GRID1: variants seen among roughly 807,000 people sequenced by gnomAD.
GRID1 encodes glutamate ionotropic receptor delta type subunit 1.
GRID1 carries 28 observed loss-of-function variants against 98.0 expected under a neutral mutation model. The ratio of observed to expected loss-of-function variants is 0.29; its 90% CI spans 0.21 to 0.39. The LOEUF is 0.39. Ranked by LOEUF, GRID1 falls within the 10% of genes least tolerant of loss-of-function variation. GRID1 has a pLI of 1.00. For synonymous variants in GRID1, 553 were observed against 538.5 expected, an observed-to-expected ratio of 1.03 and a Z score of -0.37; for missense variants, 1,111 against 1,340.5, an observed-to-expected ratio of 0.83 and a Z score of 2.67.
intron 8 of GRID1, among the ~76,000 whole-genome samples, chr10:85,795,269 T>C (rs1388677353): frequency 6.6e-6 from 1 of 152,172 alleles, no homozygotes. Flanking sequence ...GAATAGTACA[T>C]AGCAATTCCT....
intron 2 of GRID1, among the ~76,000 whole-genome samples, chr10:86,275,431 A>C (rs1023235654): frequency 6.6e-6 from 1 of 152,104 alleles, no homozygotes; most frequent in Non-Finnish European, 1.5e-5. Context: ...ATGCCTAAGG[A>C]AGCCCAGGCA....
intron 2 of GRID1, among the ~76,000 whole-genome samples, chr10:86,336,023 G>A (rs1373866715): frequency 1.3e-5 from 2 of 152,296 alleles, no homozygotes; most frequent in South Asian, 2.1e-4. Context: ...GAAGGGGCAG[G>A]AATCCAGGAG....
chr10:86,043,147 G>A (rs1029610550), intron 4 of GRID1, among the ~76,000 whole-genome samples: 3 of 152,010 alleles, frequency 2.0e-5, no homozygotes, highest in African/African-American at 4.8e-5. Flanking sequence ...ACATACCTTC[G>A]TACACACAAA....
At chr10:86,097,547 CATCT>C (rs1036759647) in intron 4 of GRID1, among the ~76,000 whole-genome samples, 2 of 152,068 alleles carry the variant, frequency 1.3e-5, no homozygotes, top group South Asian at 2.1e-4. Flanking sequence ...GTCTATCTAT[CATCT>C]ATCTATCTAT....
intron 5 of GRID1, among the ~76,000 whole-genome samples, chr10:85,910,724 C>T (rs1355547012): frequency 6.6e-6 from 1 of 152,110 alleles, no homozygotes; most frequent in Non-Finnish European, 1.5e-5. Context: ...TGTGTCAGAC[C>T]CTCATGCTAG....
intron 2 of GRID1, among the ~76,000 whole-genome samples, chr10:86,258,144 T>C (rs1846954863): frequency 6.6e-6 from 1 of 152,162 alleles, no homozygotes; most frequent in Admixed American, 6.5e-5. Flanking sequence ...TAAAAATCCC[T>C]ACAGTCCAGT....
chr10:85,852,916 AACAAAC>A (rs1250244419), intron 8 of GRID1, among the ~76,000 whole-genome samples: 1 of 152,180 alleles, frequency 6.6e-6, no homozygotes, highest in Admixed American at 6.5e-5. Context: ...GGATGCCACC[AACAAAC>A]CTCTGAGCTC....
intron 4 of GRID1, among the ~76,000 whole-genome samples, chr10:86,108,836 T>A (rs1298772336): frequency 1.3e-5 from 2 of 152,214 alleles, no homozygotes; most frequent in African/African-American, 2.4e-5. Flanking sequence ...CCTGTGAGTC[T>A]GGCAGTTGTG....
intron 4 of GRID1, among the ~76,000 whole-genome samples, chr10:86,131,995 T>C (rs1363158320): frequency 1.3e-5 from 2 of 151,938 alleles, no homozygotes; most frequent in Non-Finnish European, 1.5e-5. Context: ...GGAGATGCAA[T>C]AGAGGGTCAC....
chr10:85,670,930 G>A (rs1294013989), intron 12 of GRID1, among the ~76,000 whole-genome samples: 2 of 152,040 alleles, frequency 1.3e-5, no homozygotes, highest in Non-Finnish European at 2.9e-5. Flanking sequence ...TGAGATAAGC[G>A]CCTCCAGGAT....
chr10:85,808,279 A>T (rs531257305), intron 8 of GRID1, among the ~76,000 whole-genome samples: 3 of 152,328 alleles, frequency 2.0e-5, no homozygotes, highest in Admixed American at 2.0e-4. Context: ...GCACGGAATG[A>T]GAGTCTCACT....
chr10:86,347,704 C>T (rs541190928), intron 2 of GRID1, among the ~76,000 whole-genome samples: 5 of 152,304 alleles, frequency 3.3e-5, no homozygotes, highest in East Asian at 1.9e-4. Context: ...ATGCCTGAAG[C>T]GATGCAGCCT....
intron 8 of GRID1, among the ~76,000 whole-genome samples, chr10:85,818,912 G>A (rs561780299): frequency 2.0e-5 from 3 of 152,088 alleles, no homozygotes; most frequent in Admixed American, 6.6e-5. Flanking sequence ...GCAAAGACAG[G>A]GGTTCGCCAT....
chr10:86,361,487 C>T (rs1262578011), intron 2 of GRID1, among the ~76,000 whole-genome samples: 4 of 152,110 alleles, frequency 2.6e-5, no homozygotes, highest in Admixed American at 2.6e-4. Flanking sequence ...CAGAAACACT[C>T]ACTCTCACAC....
chr10:85,935,785 A>G (rs1024874369), intron 4 of GRID1, among the ~76,000 whole-genome samples: 1 of 152,248 alleles, frequency 6.6e-6, no homozygotes, highest in Non-Finnish European at 1.5e-5. Flanking sequence ...AGAGGCACAG[A>G]GCAATTCTTT....
In GRID1 at chr10:86,073,020, T is replaced by C. The variant is rs140835151; in HGVS notation, c.726+65799A>G. On this transcript the variant is annotated intron_variant, in intron 4 of 15. Transcript: ENST00000327946. The stretch of plus-strand genomic sequence containing the variant: ...ATCCAGATGTGTGGCTTTGTGAGTA[T>C]TGAGAATAAAGAATAAATAAAGAGC... Among the ~76,000 whole-genome samples, 223 of 152,326 alleles carry C rather than the reference T, an allele frequency of 1.5e-3. 1 individual carries two copies. Among genetic ancestry groups the C allele is most frequent in the African/African-American group, 5.0e-3 (206 of 41,562 alleles).
At chr10:85,770,972 C>T (rs1464584813) in intron 8 of GRID1, among the ~76,000 whole-genome samples, 4 of 152,066 alleles carry the variant, frequency 2.6e-5, no homozygotes, top group Admixed American at 6.5e-5. Flanking sequence ...ATACAGAGAA[C>T]GCCACAAAGA....
chr10:86,337,699 T>C (rs1400561024), intron 2 of GRID1, among the ~76,000 whole-genome samples: 1 of 9,096 alleles, frequency 1.1e-4, no homozygotes, highest in African/African-American at 2.9e-4. Flanking sequence ...CTTTGGGAAC[T>C]TTTTTTTTTT....
At chr10:86,040,281 G>A (rs993401259) in intron 4 of GRID1, among the ~76,000 whole-genome samples, 1 of 152,106 alleles carries the variant, frequency 6.6e-6, no homozygotes, top group Non-Finnish European at 1.5e-5. Context: ...ATGTTGAAGA[G>A]ATGCCTGCAC....
Sources: gnomAD v4.1 joint callset for allele counts (sites outside exome capture counted in the v4.1 genomes callset) on GRCh38, gnomAD v4.1.1 for gene constraint, MANE v1.5 for transcripts, NCBI Gene and HGNC (gene_info 2026-07-23, HGNC 2026-07-21) for gene names.